The following CNTNAP2 variants were observed in gnomAD, a reference collection of about 807,000 sequenced individuals.
The protein encoded by CNTNAP2 is contactin-associated protein-like 2.
CNTNAP2 carries 98 observed loss-of-function variants against 155.2 expected under a neutral mutation model. The ratio of observed to expected loss-of-function variants is 0.63; its 90% CI spans 0.54 to 0.75. The LOEUF (loss-of-function observed/expected upper bound fraction) is 0.75. Ranked by LOEUF, CNTNAP2 falls within the 30% of genes least tolerant of loss-of-function variation. The pLI is 0.00. For missense variants in CNTNAP2, 1,727 were observed against 1,688.1 expected (o/e 1.02, Z -0.40); for synonymous variants, 651 against 631.2 (o/e 1.03, Z -0.47).
rs777017978 is a variant in CNTNAP2 at position 147,132,431 on chromosome 7, A to G, written c.1270A>G (p.Ile424Val). Residue 424 changes from isoleucine to valine, a missense_variant, in exon 8 of 24, where the codon ATT (isoleucine) becomes GTT (valine). Transcript: ENST00000361727. Reference sequence around the variant, plus strand: ...TGCGGATAATTTGGGCAATGTGGAGATTGACCTCACTGAAAGCAAAGTGGG... The same window carrying G: ...TGCGGATAATTTGGGCAATGTGGAGGTTGACCTCACTGAAAGCAAAGTGGG... ...HFADNLGNVEIDLTESKVGVH... is the reference protein window; with the variant it reads ...HFADNLGNVEVDLTESKVGVH... 1 of 1,613,632 alleles carries G rather than the reference A, an allele frequency of 6.2e-7. No homozygotes were observed. The highest frequency in any genetic ancestry group is 8.5e-7 in the Non-Finnish European group (1 of 1,179,764).
At chr7:148,394,554 T>G (rs773036665) in intron 22 of CNTNAP2, among the ~76,000 whole-genome samples, 15 of 152,216 alleles carry the variant, frequency 9.9e-5, no homozygotes, top group Non-Finnish European at 2.1e-4. Context: ...TGTTTAAAAT[T>G]TTTACTGGGA....
chr7:146,528,642 A>G (rs946360085), intron 1 of CNTNAP2, among the ~76,000 whole-genome samples: 2 of 152,216 alleles, frequency 1.3e-5, no homozygotes, highest in Admixed American at 1.3e-4. Context: ...TTAGAAAGCT[A>G]TGGCTGTCAC....
chr7:147,165,942 TA>T (rs1333401594), intron 8 of CNTNAP2, among the ~76,000 whole-genome samples: 1 of 152,184 alleles, frequency 6.6e-6, no homozygotes, highest in Non-Finnish European at 1.5e-5. Context: ...GAATGTAAAC[TA>T]GTACAACCAC....
chr7:146,644,301 C>G (rs937000347), intron 1 of CNTNAP2, among the ~76,000 whole-genome samples: 20 of 152,140 alleles, frequency 1.3e-4, no homozygotes, highest in African/African-American at 4.6e-4. Context: ...TTGTCATAGA[C>G]AGCTCTTATT....
At chr7:147,918,954 T>C (rs561858386) in intron 14 of CNTNAP2, among the ~76,000 whole-genome samples, 1 of 152,256 alleles carries the variant, frequency 6.6e-6, no homozygotes, top group East Asian at 1.9e-4. Flanking sequence ...GACTTTGAGA[T>C]GGAGAGATTA....
chr7:147,249,800 T>C (rs1371583761), intron 8 of CNTNAP2, among the ~76,000 whole-genome samples: 1 of 152,014 alleles, frequency 6.6e-6, no homozygotes, highest in Non-Finnish European at 1.5e-5. Context: ...AGTCAATTGC[T>C]TCCTACCAAA....
chr7:147,531,259 A>G (rs552989520), intron 11 of CNTNAP2, among the ~76,000 whole-genome samples: 64 of 152,248 alleles, frequency 4.2e-4, no homozygotes, highest in Non-Finnish European at 8.5e-4. Context: ...CTCTTCTTAC[A>G]GCTCCACTAG....
chr7:147,755,791 G>GC (rs1442303068), intron 13 of CNTNAP2, among the ~76,000 whole-genome samples: 1 of 152,160 alleles, frequency 6.6e-6, no homozygotes, highest in Non-Finnish European at 1.5e-5. Context: ...CTGTGCTGTT[G>GC]CCATCTTGGG....
intron 9 of CNTNAP2, among the ~76,000 whole-genome samples, chr7:147,312,939 T>C (rs1795152643): frequency 7.3e-6 from 1 of 136,616 alleles, no homozygotes; most frequent in African/African-American, 3.0e-5. Context: ...TCCTGAGTTT[T>C]TAATGATCGC....
chr7:147,852,602 A>G (rs1269921939), intron 13 of CNTNAP2, among the ~76,000 whole-genome samples: 2 of 152,198 alleles, frequency 1.3e-5, no homozygotes, highest in Non-Finnish European at 2.9e-5. Context: ...TGCATTTTCT[A>G]GTTTTCATTC....
chr7:148,322,872 C>G (rs946158848), intron 21 of CNTNAP2, among the ~76,000 whole-genome samples: 1 of 148,986 alleles, frequency 6.7e-6, no homozygotes, highest in Non-Finnish European at 1.5e-5. Flanking sequence ...TTCCCCTCAT[C>G]ATTCTCTTTT....
rs774135300 is a variant in CNTNAP2 at position 147,317,761 on chromosome 7, G to GATAT, written c.1498+17484_1498+17487dup. On this transcript the variant is annotated intron_variant, in intron 9 of 23. Coordinates refer to ENST00000361727, the MANE Select transcript of CNTNAP2 (RefSeq NM_014141.6). ...ACTGTCGCTTAAACTTCAAAAAAAG[G>GATAT]ATATATATATATATATGTGTGTGTG... 1.2e-3 allele frequency among the ~76,000 whole-genome samples: 177 copies of GATAT among 146,774 alleles called. 1 individual carries two copies. The highest frequency in any genetic ancestry group is 2.5e-3 in the African/African-American group (99 of 39,680).
In CNTNAP2 at chr7:147,919,459, C is replaced by CTTTCTT. The variant is rs58537091; in HGVS notation, c.2255+15741_2255+15742insCTTTTT. 3.5e-4 allele frequency among the ~76,000 whole-genome samples: 18 copies of CTTTCTT among 51,232 alleles called. 3 individuals are homozygous for CTTTCTT. The highest frequency in any genetic ancestry group is 8.5e-3 in the Middle Eastern group (1 of 118). The allele number at this position is 51,232 out of a possible 152,430, so 33.6% of individuals were successfully genotyped here. A position where few individuals can be genotyped will look rare whatever the true frequency, so the allele number is the denominator to read the frequency against. ...CACCATGTCTGGCTACTTTTTCTTT[C>CTTTCTT]TTTTTTTTTTTTTTTTTGAGACAGA... On this transcript the variant is annotated intron_variant, in intron 14 of 23. Transcript: ENST00000361727.
At chr7:148,224,239 C>A (rs548523499) in intron 19 of CNTNAP2, among the ~76,000 whole-genome samples, 6 of 152,062 alleles carry the variant, frequency 3.9e-5, no homozygotes, top group African/African-American at 1.5e-4. Flanking sequence ...AGACAATCAA[C>A]GTGTTTTTTC....
At chr7:146,638,781 G>A (rs1032681937) in intron 1 of CNTNAP2, among the ~76,000 whole-genome samples, 7 of 151,870 alleles carry the variant, frequency 4.6e-5, no homozygotes, top group Non-Finnish European at 8.8e-5. Context: ...CACCGCGCCC[G>A]GCCAGGTGTT....
At chr7:146,874,672 G>A (rs942828495) in intron 3 of CNTNAP2, among the ~76,000 whole-genome samples, 1 of 152,074 alleles carries the variant, frequency 6.6e-6, no homozygotes, top group Non-Finnish European at 1.5e-5. Flanking sequence ...AATTGTAATT[G>A]TGTGACTGTG....
chr7:146,793,035 A>T (rs1802702242), intron 2 of CNTNAP2, among the ~76,000 whole-genome samples: 1 of 152,212 alleles, frequency 6.6e-6, no homozygotes, highest in Non-Finnish European at 1.5e-5. Flanking sequence ...TTTTAGTTAA[A>T]CTAAAATATT....
chr7:146,275,496 G>A (rs1800149663), intron 1 of CNTNAP2, among the ~76,000 whole-genome samples: 1 of 152,180 alleles, frequency 6.6e-6, no homozygotes, highest in Non-Finnish European at 1.5e-5. Flanking sequence ...AAAATATATT[G>A]TATAAGAAGT....
intron 1 of CNTNAP2, among the ~76,000 whole-genome samples, chr7:146,644,915 G>T (rs972158372): frequency 6.6e-6 from 1 of 152,042 alleles, no homozygotes; most frequent in Non-Finnish European, 1.5e-5. Flanking sequence ...AGGAGGAACT[G>T]GTACCATTCC....
Sources: allele counts gnomAD v4.1 joint callset (sites outside exome capture counted in the v4.1 genomes callset), GRCh38; gene constraint gnomAD v4.1.1; transcripts MANE v1.5; gene names NCBI Gene and HGNC (gene_info 2026-07-23, HGNC 2026-07-21).